The following SIPA1L3 variants were observed in gnomAD, a reference collection of about 807,000 sequenced individuals.
SIPA1L3 encodes signal induced proliferation associated 1 like 3, also known as signal-induced proliferation-associated 1-like protein 3.
In SIPA1L3, 59 loss-of-function variants were observed where a neutral mutation model predicts 150.1. The observed-to-expected ratio is 0.39, with a 90% CI of 0.32 to 0.49. The LOEUF (loss-of-function observed/expected upper bound fraction) is 0.49, where lower values mean the gene tolerates loss of function less well. Among genes scored for constraint, SIPA1L3 ranks in the 20% least tolerant of loss-of-function variants. The pLI is 0.86. For synonymous variants in SIPA1L3, 1,070 were observed against 1,077.6 expected (o/e 0.99, Z 0.14); for missense variants, 2,211 against 2,489.5 (o/e 0.89, Z 2.38).
intron 15 of SIPA1L3, among the ~76,000 whole-genome samples, chr19:38,180,621 G>A (rs1031069174): frequency 2.1e-5 from 3 of 146,302 alleles, no homozygotes; most frequent in Admixed American, 7.0e-5. Context: ...TCGGCTCACC[G>A]CGACCTCCGC....
intron 1 of SIPA1L3, among the ~76,000 whole-genome samples, chr19:38,008,780 G>C (rs181798318): frequency 6.6e-6 from 1 of 151,760 alleles, no homozygotes; most frequent in African/African-American, 2.4e-5. Flanking sequence ...GGCTGGTCTC[G>C]AACTCCTGGC....
chr19:38,102,049 CTTTTTTT>C (rs552210592), intron 6 of SIPA1L3, among the ~76,000 whole-genome samples: 7 of 137,144 alleles, frequency 5.1e-5, no homozygotes, highest in Middle Eastern at 3.8e-3. Context: ...CTTTTCTTTT[CTTTTTTT>C]TTTTTTTTTT....
intron 2 of SIPA1L3, among the ~76,000 whole-genome samples, chr19:38,032,065 G>A (rs772409074): frequency 2.6e-5 from 4 of 152,122 alleles, no homozygotes; most frequent in South Asian, 4.2e-4. Flanking sequence ...ATTGGTGGCC[G>A]GGTCTTGTCT....
chr19:38,163,481 C>A (rs1225269480), intron 14 of SIPA1L3, among the ~76,000 whole-genome samples: 1 of 129,434 alleles, frequency 7.7e-6, no homozygotes, highest in African/African-American at 3.2e-5. Flanking sequence ...CAGAGTGAGA[C>A]TCTATCTCAA....
rs544268470 is a variant in SIPA1L3, at chr19:38,068,349, T to C, written c.-310-12907T>C. 7.9e-5 allele frequency among the ~76,000 whole-genome samples: 12 copies of C among 152,308 alleles called. No homozygotes were observed. The South Asian group carries it at 2.1e-3, about 26-fold the overall frequency. ...CGGCCGAAAAATCAGATTCTTAACG[T>C]GCAATCTGCTGAGCTGTTGCTGACT... On this transcript the variant is annotated intron_variant, in intron 2 of 21. Transcript: ENST00000222345.
At chr19:38,112,632 A>C (rs185209406) in intron 8 of SIPA1L3, among the ~76,000 whole-genome samples, 10 of 152,184 alleles carry the variant, frequency 6.6e-5, no homozygotes, top group Non-Finnish European at 1.2e-4. Flanking sequence ...CCATGTGCCC[A>C]CCGCCAGCTT....
intron 1 of SIPA1L3, among the ~76,000 whole-genome samples, chr19:37,923,319 G>A (rs941141971): frequency 6.6e-6 from 1 of 152,106 alleles, no homozygotes; most frequent in Non-Finnish European, 1.5e-5. Flanking sequence ...TACTTGCTGC[G>A]AAGCTAGATG....
intron 15 of SIPA1L3, among the ~76,000 whole-genome samples, chr19:38,182,181 A>C (rs2146023471): frequency 6.6e-6 from 1 of 151,542 alleles, no homozygotes; most frequent in East Asian, 1.9e-4. Context: ...AGCAAACTGT[A>C]AGCCATAGTT....
Position 38,182,574 on chromosome 19 carries a change from G to C in SIPA1L3, c.4264G>C (p.Glu1422Gln). Residue 1422 changes from glutamate to glutamine, a missense_variant, in exon 16 of 22, where the codon GAG (glutamate) becomes CAG (glutamine). Glu to Gln is a conservative substitution (Grantham distance 29, BLOSUM62 2). Coordinates refer to ENST00000222345, the MANE Select transcript of SIPA1L3 (RefSeq NM_015073.3). Reference sequence around the variant, plus strand: ...TCAGGTTTACAAAACTGCCAGTGCAGAGACTCCTCGGCCCTCCCAGCTGGC... The same window carrying C: ...TCAGGTTTACAAAACTGCCAGTGCACAGACTCCTCGGCCCTCCCAGCTGGC... ...PAQVYKTASA[E>Q]TPRPSQLAQP... 1 of 1,614,162 alleles carries C rather than the reference G, an allele frequency of 6.2e-7. No homozygotes were observed. The highest frequency in any genetic ancestry group is 8.5e-7 in the Non-Finnish European group (1 of 1,180,020).
chr19:38,110,135 G>A, intron 7 of SIPA1L3, 92 bp from the exon 8 acceptor site: 2 of 1,262,438 alleles, frequency 1.6e-6, no homozygotes, highest in Non-Finnish European at 2.3e-6. Flanking sequence ...TGGGAATGGG[G>A]GTGGGTGGGG....
intron 4 of SIPA1L3, among the ~76,000 whole-genome samples, chr19:38,093,106 G>A (rs938640227): frequency 3.9e-5 from 6 of 152,024 alleles, no homozygotes; most frequent in African/African-American, 1.2e-4. Context: ...TGATCTACCC[G>A]CCTCAGCCTC....
chr19:38,156,559 T>C (rs530466180), intron 13 of SIPA1L3, among the ~76,000 whole-genome samples: 2 of 149,948 alleles, frequency 1.3e-5, no homozygotes, highest in Admixed American at 1.3e-4. Context: ...GCGCAGTGGC[T>C]CACGCCTGTA....
intron 2 of SIPA1L3, among the ~76,000 whole-genome samples, chr19:38,045,661 C>T (rs1379352733): frequency 1.3e-5 from 2 of 151,896 alleles, no homozygotes; most frequent in African/African-American, 2.4e-5. Flanking sequence ...CTGGGGTGGG[C>T]GTGGGAGTGT....
intron 2 of SIPA1L3, among the ~76,000 whole-genome samples, chr19:38,067,883 A>G (rs928312579): frequency 2.6e-5 from 4 of 152,220 alleles, no homozygotes; most frequent in Admixed American, 6.5e-5. Context: ...CCAGTGGAGC[A>G]GAGTCTCTGC....
intron 2 of SIPA1L3, among the ~76,000 whole-genome samples, chr19:38,068,579 G>A (rs1325382530): frequency 6.6e-6 from 1 of 152,090 alleles, no homozygotes; most frequent in Non-Finnish European, 1.5e-5. Flanking sequence ...TCCCTACTTG[G>A]CAGGGCATGG....
chr19:37,955,645 A>G (rs570420031), intron 1 of SIPA1L3, among the ~76,000 whole-genome samples: 77 of 152,294 alleles, frequency 5.1e-4, no homozygotes, highest in Non-Finnish European at 9.7e-4. Flanking sequence ...TTTCTGTACC[A>G]GGCTTCCGTC....
At position 38,119,450 on chromosome 19, in the gene SIPA1L3, G is replaced by A. The variant is rs367627831; in HGVS notation, c.2436G>A (p.Lys812=). 3 of 1,614,172 alleles carry A rather than the reference G, an allele frequency of 1.9e-6. No individual in the cohort carries two copies. The highest frequency in any genetic ancestry group is 1.1e-5 in the South Asian group (1 of 91,078). Residue 812 remains lysine (K), a synonymous_variant, in exon 9 of 22, where the codon AAG becomes AAA. Coordinates refer to ENST00000222345, the MANE Select transcript of SIPA1L3 (RefSeq NM_015073.3). The part of the protein sequence containing the change: ...NAENAAHKSD[K]FHTMATRTRQ... ...AGAACGCCGCGCACAAGTCCGACAAGTTCCACACCATGGCCACCAGGACCC... is the reference window on the plus strand; with the variant it reads ...AGAACGCCGCGCACAAGTCCGACAAATTCCACACCATGGCCACCAGGACCC...
intron 1 of SIPA1L3, among the ~76,000 whole-genome samples, chr19:37,989,012 C>T (rs1009567957): frequency 6.6e-6 from 1 of 152,188 alleles, no homozygotes; most frequent in South Asian, 2.1e-4. Flanking sequence ...ATTCCTCTCC[C>T]CTTCTCATGC....
intron 1 of SIPA1L3, among the ~76,000 whole-genome samples, chr19:37,913,168 G>T (rs980067846): frequency 6.6e-6 from 1 of 152,076 alleles, no homozygotes; most frequent in Non-Finnish European, 1.5e-5. Context: ...CTCGGGGGTC[G>T]CTGGAGACTG....
Sources: allele counts gnomAD v4.1 joint callset (sites outside exome capture counted in the v4.1 genomes callset), GRCh38; gene constraint gnomAD v4.1.1; transcripts MANE v1.5; gene names NCBI Gene and HGNC (gene_info 2026-07-23, HGNC 2026-07-21).